KIAA2012: variants seen among roughly 807,000 people sequenced by gnomAD.
The protein encoded by KIAA2012 is uncharacterized protein KIAA2012.
A neutral mutation model predicts 150.6 loss-of-function variants in KIAA2012; 125 were observed. The observed-to-expected ratio is 0.83, with a 90% CI of 0.72 to 0.96. The LOEUF (loss-of-function observed/expected upper bound fraction) is 0.96, where lower values mean the gene tolerates loss of function less well. KIAA2012 is among the 40% of genes least tolerant of loss of function. KIAA2012 has a pLI of 0.00. For missense variants in KIAA2012, 1,219 were observed against 1,354.9 expected, an observed-to-expected ratio of 0.90 and a Z score of 1.57; for synonymous variants, 462 against 504.7, an observed-to-expected ratio of 0.92 and a Z score of 1.13.
intron 4 of KIAA2012, among the ~76,000 whole-genome samples, chr2:202,097,121 T>C (rs980789801): frequency 1.3e-5 from 2 of 152,176 alleles, no homozygotes; most frequent in Admixed American, 1.3e-4. Context: ...ATTATCTTAT[T>C]TGAGCTCCAA....
In KIAA2012 at chr2:202,205,117, A is replaced by C. The variant is rs1003248314; in HGVS notation, c.*140A>C. ...GTTGTGAAATGCCTATTTTATCAGC[A>C]CTGCTAACCAGATAAGCACACATTT... On this transcript the variant is annotated 3_prime_UTR_variant, in exon 24 of 24. Transcript: ENST00000498697. 8 of 152,244 alleles carry C rather than the reference A, an allele frequency of 5.3e-5. No individual in the cohort carries two copies. The highest frequency in any genetic ancestry group is 1.9e-4 in the African/African-American group (8 of 41,468). 9.4% of individuals were successfully genotyped at this position (152,244 alleles called of 1,614,324 possible).
intron 12 of KIAA2012, among the ~76,000 whole-genome samples, chr2:202,134,148 C>T (rs551903721): frequency 3.9e-5 from 6 of 152,350 alleles, no homozygotes; most frequent in African/African-American, 1.4e-4. Context: ...AAGATGCTTT[C>T]TGAGACCTGT....
intron 5 of KIAA2012, among the ~76,000 whole-genome samples, chr2:202,099,041 G>A (rs1689974912): frequency 6.6e-6 from 1 of 152,128 alleles, no homozygotes; most frequent in Non-Finnish European, 1.5e-5. Flanking sequence ...AGGCTGGAGT[G>A]CAGAGGTGCT....
chr2:202,203,179 C>T (rs1028483369), intron 23 of KIAA2012, among the ~76,000 whole-genome samples: 10 of 152,068 alleles, frequency 6.6e-5, no homozygotes, highest in Admixed American at 3.9e-4. Flanking sequence ...GAAACACTAA[C>T]GTGGTCTTAG....
chr2:202,192,270 C>G lies in KIAA2012; in HGVS notation c.2812-1031C>G, dbSNP rs145031437. ...TTGGATACACAGAGTTCCTAGAAGG[C>G]TTGCCTCTCAAGGTTCCCTTCATAG... is the stretch of plus-strand genomic sequence containing the variant. On this transcript the variant is annotated intron_variant, in intron 19 of 23. Transcript: ENST00000498697. Among the ~76,000 whole-genome samples the G allele has an allele frequency of 7.9e-5, 12 of 152,248 alleles. No homozygotes were observed. In the East Asian group the frequency reaches 2.3e-3, roughly 29 times the overall value.
intron 23 of KIAA2012, among the ~76,000 whole-genome samples, chr2:202,204,245 TTGTATATTTTTAG>T (rs1346202747): frequency 6.6e-6 from 1 of 151,896 alleles, no homozygotes; most frequent in African/African-American, 2.4e-5. Flanking sequence ...CTTGGCTAAT[TTGTATATTTTTAG>T]TACAGATGGG....
intron 11 of KIAA2012, among the ~76,000 whole-genome samples, chr2:202,118,694 C>T (rs1163523298): frequency 6.6e-6 from 1 of 152,198 alleles, no homozygotes; most frequent in Non-Finnish European, 1.5e-5. Flanking sequence ...AGGTCTATCA[C>T]ACGTACCACA....
intron 23 of KIAA2012, among the ~76,000 whole-genome samples, chr2:202,203,484 A>G (rs1217554793): frequency 1.3e-5 from 2 of 152,172 alleles, no homozygotes; most frequent in Non-Finnish European, 2.9e-5. Flanking sequence ...CTAGAGCTGC[A>G]CTGCTGAGTA....
In KIAA2012 at chr2:202,109,642, C is replaced by T. The variant is rs1690293459; in HGVS notation, c.1504C>T (p.Pro502Ser). Residue 502 changes from proline to serine, a missense_variant, in exon 10 of 24, where the codon CCA (proline) becomes TCA (serine). Transcript: ENST00000498697. ...DDDAPPHDVA[P>S]PLDLLPPIKG... Reference sequence around the variant, plus strand: ...TGATGCCCCACCTCACGATGTGGCCCCACCATTGGATCTTCTACCCCCGAT... The same window carrying T: ...TGATGCCCCACCTCACGATGTGGCCTCACCATTGGATCTTCTACCCCCGAT... 4 of 1,546,470 alleles carry T rather than the reference C, an allele frequency of 2.6e-6. No homozygotes were observed. The Admixed American group carries it at 6.0e-5, about 23-fold the overall frequency.
chr2:202,123,851 T>TTC (rs1166631422), intron 11 of KIAA2012, among the ~76,000 whole-genome samples: 2 of 151,390 alleles, frequency 1.3e-5, no homozygotes, highest in Admixed American at 6.6e-5. Flanking sequence ...CTCTCTCCGC[T>TTC]TCTCTCTCTC....
chr2:202,131,662 G>A (rs1690931373), intron 12 of KIAA2012, among the ~76,000 whole-genome samples: 1 of 152,202 alleles, frequency 6.6e-6, no homozygotes, highest in Non-Finnish European at 1.5e-5. Context: ...GGAAGGAGAG[G>A]ACACTTAAGC....
chr2:202,125,935 CTTTTTTTTTTTTTTTTTTTTTTTT>C (rs571686717), intron 12 of KIAA2012: 2 of 137,798 alleles, frequency 1.5e-5, no homozygotes, highest in South Asian at 4.6e-5. Context: ...TTCCTGGCTG[CTTTTTTTTTTTTTTTTTTTTTTTT>C]TTTTTTTTTT....
At chr2:202,139,464 A>G (rs1691152754) in intron 13 of KIAA2012, among the ~76,000 whole-genome samples, 1 of 152,076 alleles carries the variant, frequency 6.6e-6, no homozygotes, top group South Asian at 2.1e-4. Context: ...CTACTGTGTG[A>G]CACCTCCAGG....
chr2:202,162,133 A>T (rs1378317939), intron 14 of KIAA2012, among the ~76,000 whole-genome samples: 1 of 152,050 alleles, frequency 6.6e-6, no homozygotes, highest in African/African-American at 2.4e-5. Flanking sequence ...CCCTTGAACA[A>T]CTGGAGTTGC....
chr2:202,167,178 A>G (rs1027783478), intron 15 of KIAA2012, among the ~76,000 whole-genome samples: 1 of 152,116 alleles, frequency 6.6e-6, no homozygotes, highest in Non-Finnish European at 1.5e-5. Context: ...CGTCTCAAAA[A>G]AAAAAAAAAC....
At chr2:202,145,813 T>G (rs1158128788) in intron 13 of KIAA2012, among the ~76,000 whole-genome samples, 2 of 150,446 alleles carry the variant, frequency 1.3e-5, no homozygotes, top group Non-Finnish European at 3.0e-5. Context: ...GCCTCCCAAG[T>G]AGCTGGGATT....
intron 3 of KIAA2012, 28 bp downstream of exon 3, chr2:202,090,957 A>G (rs1466219059): frequency 6.6e-7 from 1 of 1,519,936 alleles, no homozygotes; most frequent in South Asian, 1.2e-5. Flanking sequence ...AGGGGGGCAC[A>G]CCCCAAACTG....
At chr2:202,159,103 G>A (rs898855055) in intron 14 of KIAA2012, among the ~76,000 whole-genome samples, 6 of 152,188 alleles carry the variant, frequency 3.9e-5, no homozygotes, top group Non-Finnish European at 7.3e-5. Context: ...TATGTGGGCA[G>A]GTGTACATGC....
intron 13 of KIAA2012, among the ~76,000 whole-genome samples, chr2:202,152,714 G>A (rs1276801156): frequency 6.6e-6 from 1 of 152,164 alleles, no homozygotes; most frequent in East Asian, 1.9e-4. Context: ...AAAAAAATTG[G>A]ATGTGTGTTT....
Sources: gnomAD v4.1 joint callset for allele counts (sites outside exome capture counted in the v4.1 genomes callset) on GRCh38, gnomAD v4.1.1 for gene constraint, MANE v1.5 for transcripts, NCBI Gene and HGNC (gene_info 2026-07-23, HGNC 2026-07-21) for gene names.